Variants in ERAP1 observed in about 807,000 individuals in gnomAD.
ERAP1 encodes endoplasmic reticulum aminopeptidase 1.
A neutral mutation model predicts 103.7 loss-of-function variants in ERAP1; 86 were observed. That is an observed-to-expected ratio of 0.83 (90% CI 0.70 to 0.99). The LOEUF (loss-of-function observed/expected upper bound fraction) is 0.99. Among genes scored for constraint, ERAP1 ranks in the 50% least tolerant of loss-of-function variants. The probability of loss-of-function intolerance (pLI) is 0.00; values close to 1 mark genes in which losing one functional copy is unlikely to be tolerated. For missense variants in ERAP1, 1,009 were observed against 1,128.4 expected (o/e 0.89, Z 1.52); for synonymous variants, 398 against 402.4 (o/e 0.99, Z 0.13).
downstream of ERAP1, chr5:96,771,733 C>T: frequency 5.1e-6 from 7 of 1,376,178 alleles, no homozygotes; most frequent in East Asian, 2.3e-5. Context: ...TAAATGAAGA[C>T]AACTGTATCT....
chr5:96,770,705 A>T, downstream of ERAP1: 2 of 774,056 alleles, frequency 2.6e-6, no homozygotes, highest in Non-Finnish European at 4.4e-6. Flanking sequence ...ATTTAGAATA[A>T]AATTTCTTAA....
At chr5:96,845,854 AAAG>A in the ERAP1 span, among the ~76,000 whole-genome samples, 8 of 152,226 alleles carry the variant, frequency 5.3e-5, no homozygotes, top group Non-Finnish European at 8.8e-5. Context: ...TGTTCTGAGA[AAAG>A]AAGGAGAGAA....
the ERAP1 span, among the ~76,000 whole-genome samples, chr5:96,894,930 A>C: frequency 1.1e-4 from 16 of 152,268 alleles, no homozygotes; most frequent in Non-Finnish European, 1.8e-4. Flanking sequence ...AACTACCTCC[A>C]TAAAGTGTTC....
the ERAP1 span, among the ~76,000 whole-genome samples, chr5:96,924,842 C>T: frequency 6.6e-6 from 1 of 152,186 alleles, no homozygotes; most frequent in African/African-American, 2.4e-5. Context: ...AGGTGATCCA[C>T]CCACCTCGGC....
chr5:96,906,279 G>C, the ERAP1 span, among the ~76,000 whole-genome samples: 2 of 150,062 alleles, frequency 1.3e-5, no homozygotes, highest in Non-Finnish European at 3.0e-5. Context: ...TTCTTCAAGG[G>C]CTTTGCTCTT....
chr5:96,784,772 C>CCGAG, intron 13 of ERAP1: 1 of 153,052 alleles, frequency 6.5e-6, no homozygotes, highest in Admixed American at 6.5e-5. Flanking sequence ...GGAGGAAACA[C>CCGAG]ATTTTCTTCT....
chr5:96,837,730 G>A, the ERAP1 span, among the ~76,000 whole-genome samples: 5 of 152,206 alleles, frequency 3.3e-5, no homozygotes, highest in South Asian at 2.1e-4. Flanking sequence ...ACAGCCTTTC[G>A]CACCTGTGCC....
chr5:96,873,782 G>T, the ERAP1 span: 1 of 223,094 alleles, frequency 4.5e-6, no homozygotes, highest in Non-Finnish European at 9.2e-6. Flanking sequence ...GCTCTATACT[G>T]GGCACTCAGC....
At chr5:96,772,710 A>T (rs1274585421), downstream of ERAP1, 1 of 152,736 alleles carries the variant, frequency 6.5e-6, no homozygotes. Context: ...GCAACAGAAA[A>T]CAATTGTTCT....
At chr5:96,837,279 A>G in the ERAP1 span, among the ~76,000 whole-genome samples, 1 of 152,234 alleles carries the variant, frequency 6.6e-6, no homozygotes, top group South Asian at 2.1e-4. Flanking sequence ...TGAAATTTAG[A>G]TACAGAGATA....
At chr5:96,917,184 G>T in the ERAP1 span, among the ~76,000 whole-genome samples, 1 of 152,160 alleles carries the variant, frequency 6.6e-6, no homozygotes, top group Non-Finnish European at 1.5e-5. Flanking sequence ...TTGGCTCATT[G>T]TAACCTCCAC....
At chr5:96,831,854 T>A in the ERAP1 span, among the ~76,000 whole-genome samples, 676 of 152,372 alleles carry the variant, frequency 4.4e-3, 4 homozygotes, top group Non-Finnish European at 7.3e-3. Flanking sequence ...TTGCAGACTT[T>A]GCTGCTGTGG....
the ERAP1 span, among the ~76,000 whole-genome samples, chr5:96,911,211 G>A: frequency 6.6e-6 from 1 of 152,114 alleles, no homozygotes; most frequent in African/African-American, 2.4e-5. Context: ...TATCTCAGAG[G>A]GTAGCTTTTG....
At chr5:96,903,503 C>T in the ERAP1 span, 3 of 1,614,020 alleles carry the variant, frequency 1.9e-6, no homozygotes, top group South Asian at 3.3e-5. Flanking sequence ...CAGAACCACA[C>T]ACTTCTCAGA....
chr5:96,793,555 G>C (rs762472837), intron 6 of ERAP1, 42 bp from the exon 7 acceptor site: 55 of 1,454,586 alleles, frequency 3.8e-5, no homozygotes, highest in Non-Finnish European at 5.1e-5. Flanking sequence ...CACTCAGAAA[G>C]AAGTATATTT....
the ERAP1 span, among the ~76,000 whole-genome samples, chr5:96,866,626 C>T: frequency 6.6e-6 from 1 of 152,142 alleles, no homozygotes; most frequent in African/African-American, 2.4e-5. Flanking sequence ...AGCCATAGTT[C>T]CTGCCATTAC....
intron 19 of ERAP1, chr5:96,766,080 A>C: frequency 6.2e-7 from 1 of 1,609,082 alleles, no homozygotes; most frequent in Non-Finnish European, 8.5e-7. Flanking sequence ...ACATAGAGAC[A>C]AGCTTGGAGA....
chr5:96,810,646 T>C (rs187288978), upstream of ERAP1, among the ~76,000 whole-genome samples: 88 of 152,320 alleles, frequency 5.8e-4, no homozygotes, highest in Non-Finnish European at 9.4e-4. Flanking sequence ...TTGCAGAGGC[T>C]TCTCAGTGTC....
chr5:96,762,410 G>C (rs551565471), exon 20 of ERAP1: 1 of 1,443,020 alleles, frequency 6.9e-7, no homozygotes, highest in South Asian at 1.3e-5. Flanking sequence ...AAATGTTTTT[G>C]CGCAGCCACA....
Sources: allele counts gnomAD v4.1 joint callset (sites outside exome capture counted in the v4.1 genomes callset), GRCh38; gene constraint gnomAD v4.1.1; transcripts MANE v1.5; gene names NCBI Gene and HGNC (gene_info 2026-07-23, HGNC 2026-07-21).